The following BANK1 variants were observed in gnomAD, a reference collection of about 807,000 sequenced individuals.
BANK1 encodes B-cell scaffold protein with ankyrin repeats.
BANK1 carries 95 observed loss-of-function variants against 94.5 expected under a neutral mutation model. That is an observed-to-expected ratio of 1.00 (90% confidence interval 0.85 to 1.19). The LOEUF (loss-of-function observed/expected upper bound fraction) is 1.19. Among genes scored for constraint, BANK1 ranks in the 50% most tolerant of loss-of-function variants. The pLI is 0.00. For missense variants in BANK1, 987 were observed against 932.2 expected, an observed-to-expected ratio of 1.06 and a Z score of -0.77; for synonymous variants, 334 against 308.4, an observed-to-expected ratio of 1.08 and a Z score of -0.87.
At chr4:101,851,820 G>C (rs182713496) in intron 2 of BANK1, among the ~76,000 whole-genome samples, 4 of 152,162 alleles carry the variant, frequency 2.6e-5, no homozygotes, top group Admixed American at 6.5e-5. Context: ...TATAAAATAG[G>C]CTTCTTTTAT....
chr4:102,037,255 A>G (rs1727540007), intron 10 of BANK1, among the ~76,000 whole-genome samples: 1 of 152,240 alleles, frequency 6.6e-6, no homozygotes, highest in African/African-American at 2.4e-5. Flanking sequence ...TCTTACATGC[A>G]CTGGACAGCC....
Position 102,074,049 on chromosome 4 carries a change from G to T in BANK1, c.*50G>T. 4.8e-6 allele frequency: 1 copy of T among 210,028 alleles called. No homozygotes were observed. The highest frequency in any genetic ancestry group is 1.2e-4 in the South Asian group (1 of 8,152). The allele number at this position is 210,028 out of a possible 1,614,324, so 13.0% of individuals were successfully genotyped here. The stretch of plus-strand genomic sequence containing the variant: ...CGAATCTACGGACATTTTGCTTTCA[G>T]GGTGAAGCAAGCTTGAATTTGGATT... On this transcript the variant is annotated 3_prime_UTR_variant, in exon 17 of 17. Transcript: ENST00000322953.
rs76573996 is a variant in BANK1 at position 101,963,793 on chromosome 4, C to G, written c.1206+45604C>G. Among the ~76,000 whole-genome samples, 866 of 152,222 alleles carry G rather than the reference C, an allele frequency of 5.7e-3. 15 individuals carry two copies. Among genetic ancestry groups the G allele is most frequent in the East Asian group, 0.057 (294 of 5,180 alleles). On this transcript the variant is annotated intron_variant, in intron 7 of 16. Transcript: ENST00000322953. ...GAGGCCTTTTCTCGCACCTGGTACT[C>G]AATTGACCCTCCTGTATCTGTGCAC...
At chr4:101,940,132 A>G (rs1723693465) in intron 7 of BANK1, among the ~76,000 whole-genome samples, 1 of 151,664 alleles carries the variant, frequency 6.6e-6, no homozygotes, top group African/African-American at 2.4e-5. Flanking sequence ...TCTCCCTTGG[A>G]CATGATTATG....
At chr4:101,908,185 A>C (rs1238217529) in intron 6 of BANK1, among the ~76,000 whole-genome samples, 2 of 152,216 alleles carry the variant, frequency 1.3e-5, no homozygotes, top group African/African-American at 2.4e-5. Flanking sequence ...CCAAAACAGC[A>C]TGGTACTGGT....
intron 2 of BANK1, among the ~76,000 whole-genome samples, chr4:101,846,467 G>T (rs1727249922): frequency 6.6e-6 from 1 of 152,160 alleles, no homozygotes; most frequent in South Asian, 2.1e-4. Context: ...TTTTCACACT[G>T]CTATAAAGAA....
chr4:102,018,880 G>A (rs554374828), intron 7 of BANK1, among the ~76,000 whole-genome samples: 117 of 147,676 alleles, frequency 7.9e-4, no homozygotes, highest in Non-Finnish European at 1.4e-3. Flanking sequence ...GTGCAGTGGT[G>A]CGATCTCGGC....
At chr4:101,869,387 T>G (rs1728196275) in intron 4 of BANK1, among the ~76,000 whole-genome samples, 1 of 151,912 alleles carries the variant, frequency 6.6e-6, no homozygotes, top group Admixed American at 6.6e-5. Context: ...TAATTTCTCT[T>G]ACATTCTCTA....
chr4:102,007,097 A>ATATATATTT (rs1363594136), intron 7 of BANK1, among the ~76,000 whole-genome samples: 3 of 77,018 alleles, frequency 3.9e-5, no homozygotes, highest in African/African-American at 1.3e-4. Context: ...TATATAATAT[A>ATATATATTT]TTTATATATA....
intron 7 of BANK1, among the ~76,000 whole-genome samples, chr4:101,918,474 G>T (rs1722902331): frequency 1.3e-5 from 2 of 151,888 alleles, no homozygotes; most frequent in South Asian, 2.1e-4. Flanking sequence ...TCTTATGAAG[G>T]TTGAAGCCCC....
At chr4:102,072,074 G>A (rs891759249) in intron 14 of BANK1, among the ~76,000 whole-genome samples, 12 of 152,190 alleles carry the variant, frequency 7.9e-5, no homozygotes, top group Admixed American at 7.9e-4. Context: ...TCAAGTGGAG[G>A]TTGTTACTCA....
rs528580456 is a variant in BANK1 at position 101,839,522 on chromosome 4, A to G, written c.469+9316A>G. ...CCATTTAATAGCTTCCCATATGAGG[A>G]AGCTTACTCTTATTCAACATTACTT... On this transcript the variant is annotated intron_variant, in intron 2 of 16. Coordinates refer to ENST00000322953, the MANE Select transcript of BANK1 (RefSeq NM_017935.5). Among the ~76,000 whole-genome samples, 16 of 152,286 alleles carry G rather than the reference A, an allele frequency of 1.1e-4. No individual in the cohort carries two copies. The East Asian group carries it at 1.7e-3, about 17-fold the overall frequency.
intron 6 of BANK1, among the ~76,000 whole-genome samples, chr4:101,904,663 T>A (rs1025152162): frequency 1.3e-5 from 2 of 152,244 alleles, no homozygotes; most frequent in Admixed American, 1.3e-4. Flanking sequence ...GCTATGTAAT[T>A]GTTCTGGAAT....
intron 5 of BANK1, among the ~76,000 whole-genome samples, chr4:101,886,800 C>G (rs1412177334): frequency 6.6e-6 from 1 of 151,790 alleles, no homozygotes; most frequent in East Asian, 1.9e-4. Context: ...CACAATCAAG[C>G]TTCAGTCATT....
intron 5 of BANK1, among the ~76,000 whole-genome samples, chr4:101,878,067 A>C (rs1172629273): frequency 6.6e-6 from 1 of 152,180 alleles, no homozygotes; most frequent in African/African-American, 2.4e-5. Context: ...ACAACCAAAA[A>C]AACAAATATC....
chr4:101,945,347 A>G (rs1313954011), intron 7 of BANK1, among the ~76,000 whole-genome samples: 1 of 151,900 alleles, frequency 6.6e-6, no homozygotes. Flanking sequence ...TCTTTGGAGC[A>G]TGAGGGGCAA....
chr4:101,844,262 A>C (rs893700083), intron 2 of BANK1, among the ~76,000 whole-genome samples: 4 of 152,214 alleles, frequency 2.6e-5, no homozygotes, highest in Admixed American at 2.6e-4. Context: ...GATAGGAAGG[A>C]TCTTCCACTA....
intron 7 of BANK1, among the ~76,000 whole-genome samples, chr4:101,987,576 T>C (rs1243909400): frequency 2.0e-5 from 3 of 152,292 alleles, no homozygotes; most frequent in Non-Finnish European, 2.9e-5. Context: ...TTGTTCTTCC[T>C]CAACAACCTT....
chr4:101,846,628 G>C (rs979701255), intron 2 of BANK1, among the ~76,000 whole-genome samples: 9 of 152,170 alleles, frequency 5.9e-5, no homozygotes, highest in Non-Finnish European at 1.3e-4. Context: ...GGGGAAGCAA[G>C]GAATATCTTA....
Sources: gnomAD v4.1 joint callset for allele counts (sites outside exome capture counted in the v4.1 genomes callset) on GRCh38, gnomAD v4.1.1 for gene constraint, MANE v1.5 for transcripts, NCBI Gene and HGNC (gene_info 2026-07-23, HGNC 2026-07-21) for gene names.